ZNF821: variants seen among roughly 807,000 people sequenced by gnomAD.
ZNF821 encodes zinc finger protein 821.
A neutral mutation model predicts 44.3 loss-of-function variants in ZNF821; 16 were observed. The ratio of observed to expected loss-of-function variants is 0.36; its 90% confidence interval spans 0.24 to 0.55. ZNF821 has a LOEUF of 0.55. Among genes scored for constraint, ZNF821 ranks in the 20% least tolerant of loss-of-function variants. The pLI is 0.86. For missense variants in ZNF821, 436 were observed against 547.6 expected, an observed-to-expected ratio of 0.80 and a Z score of 2.03; for synonymous variants, 204 against 197.6, an observed-to-expected ratio of 1.03 and a Z score of -0.27.
chr16:71,864,326 A>T, intron 5 of ZNF821, 84 bp from the exon 6 acceptor site: 2 of 1,171,052 alleles, frequency 1.7e-6, no homozygotes, highest in Non-Finnish European at 2.5e-6. Flanking sequence ...GTATCCTGTT[A>T]AAAGGAACCC....
At chr16:71,872,569 C>T (rs1182302177) in intron 3 of ZNF821, among the ~76,000 whole-genome samples, 1 of 151,962 alleles carries the variant, frequency 6.6e-6, no homozygotes, top group Non-Finnish European at 1.5e-5. Flanking sequence ...GCCGAGATCA[C>T]GCCACTGCAC....
At chr16:71,869,357 G>A (rs903071347) in intron 3 of ZNF821, among the ~76,000 whole-genome samples, 1 of 152,176 alleles carries the variant, frequency 6.6e-6, no homozygotes, top group Non-Finnish European at 1.5e-5. Context: ...CCTAGACCTT[G>A]GGCAGTGAAA....
chr16:71,883,226 A>G lies in ZNF821; in HGVS notation c.-93T>C. 1 of 456,450 alleles carries G rather than the reference A, an allele frequency of 2.2e-6. No individual in the cohort carries two copies. 28.3% of individuals were successfully genotyped at this position (456,450 alleles called of 1,614,324 possible). A position where few individuals can be genotyped will look rare whatever the true frequency, so the allele number is the denominator to read the frequency against. On this transcript the variant is annotated 5_prime_UTR_variant, in exon 2 of 8. Transcript: ENST00000425432. The stretch of plus-strand genomic sequence containing the variant: ...GCGTTCCCACCTCCAGCTCTGGTGC[A>G]GTTCCCACGGAGCAAAGCAAACTCG...
chr16:71,869,597 G>A (rs934558526), intron 3 of ZNF821, among the ~76,000 whole-genome samples: 2 of 152,092 alleles, frequency 1.3e-5, no homozygotes, highest in East Asian at 3.8e-4. Flanking sequence ...GTTAACGGTG[G>A]AACCAAGTAT....
chr16:71,891,949 T>G (rs1046710315), intron 1 of ZNF821, among the ~76,000 whole-genome samples: 3 of 136,594 alleles, frequency 2.2e-5, no homozygotes, highest in South Asian at 2.3e-4. Context: ...TGAGCTGAGA[T>G]TGAGCCACTG....
chr16:71,868,177 G>T, intron 3 of ZNF821, 140 bp from the exon 4 acceptor site: 1 of 972,438 alleles, frequency 1.0e-6, no homozygotes, highest in Non-Finnish European at 1.5e-6. Context: ...AAGTCAGCTT[G>T]CTGCCTCCAA....
chr16:71,861,343 T>C (rs1597121635), intron 7 of ZNF821, among the ~76,000 whole-genome samples: 1 of 152,112 alleles, frequency 6.6e-6, no homozygotes, highest in African/African-American at 2.4e-5. Flanking sequence ...TCAGGCAAGG[T>C]GCAGACCACC....
intron 1 of ZNF821, among the ~76,000 whole-genome samples, chr16:71,890,990 G>A (rs2036882237): frequency 6.6e-6 from 1 of 150,784 alleles, no homozygotes; most frequent in African/African-American, 2.4e-5. Flanking sequence ...TAGCCAGGAT[G>A]GTCTCCATCT....
intron 4 of ZNF821, among the ~76,000 whole-genome samples, chr16:71,866,260 G>A (rs1019205929): frequency 2.0e-5 from 3 of 152,162 alleles, no homozygotes; most frequent in African/African-American, 7.2e-5. Flanking sequence ...CAGTATGAGA[G>A]CAACATATTT....
At chr16:71,875,790 G>A (rs527740423) in intron 3 of ZNF821, among the ~76,000 whole-genome samples, 2 of 152,196 alleles carry the variant, frequency 1.3e-5, no homozygotes, top group Non-Finnish European at 1.5e-5. Context: ...GTAGAGACAG[G>A]GTTTCACCAT....
At chr16:71,871,149 A>G (rs905263127) in intron 3 of ZNF821, among the ~76,000 whole-genome samples, 3 of 152,276 alleles carry the variant, frequency 2.0e-5, no homozygotes, top group Non-Finnish European at 2.9e-5. Flanking sequence ...GGAAAGAGAG[A>G]GAGTCTGTTC....
In ZNF821 at chr16:71,860,732, C is replaced by T. The variant is rs2033758444; in HGVS notation, c.585-60G>A. ...CTTCTAGCAAGAGTCGGGACTCCAG[C>T]CCTGCCTTATTCTTTTCCTATGAGG... On this transcript the variant is annotated intron_variant, in intron 7 of 7. Transcript: ENST00000425432. The surrounding 1 kb of genome is among the most constrained non-coding windows in gnomAD (Gnocchi z 7.3). 2 of 1,542,878 alleles carry T rather than the reference C, an allele frequency of 1.3e-6. No homozygotes were observed. Among genetic ancestry groups the T allele is most frequent in the South Asian group, 2.5e-5 (2 of 81,424 alleles).
At chr16:71,892,368 A>G (rs1202065118) in intron 1 of ZNF821, among the ~76,000 whole-genome samples, 19 of 129,028 alleles carry the variant, frequency 1.5e-4, no homozygotes, top group East Asian at 7.7e-4. Flanking sequence ...CCGGGTTCAC[A>G]CCATTCTCCT....
At chr16:71,874,738 G>A (rs1009809347) in intron 3 of ZNF821, among the ~76,000 whole-genome samples, 4 of 152,174 alleles carry the variant, frequency 2.6e-5, no homozygotes, top group South Asian at 2.1e-4. Context: ...ACAGGTATGA[G>A]CCACCACGCT....
intron 2 of ZNF821, among the ~76,000 whole-genome samples, chr16:71,880,692 T>C (rs2142472001): frequency 6.6e-6 from 1 of 152,294 alleles, no homozygotes; most frequent in South Asian, 2.1e-4. Context: ...ACAGATGCCA[T>C]CCACATTGAT....
chr16:71,894,095 T>C (rs1202287314), intron 1 of ZNF821: 1 of 152,078 alleles, frequency 6.6e-6, no homozygotes, highest in Non-Finnish European at 1.5e-5. Flanking sequence ...CCTGGTTTTA[T>C]CTTGAAATGT....
At chr16:71,861,344 G>A (rs1273463981) in intron 7 of ZNF821, among the ~76,000 whole-genome samples, 1 of 152,190 alleles carries the variant, frequency 6.6e-6, no homozygotes, top group Non-Finnish European at 1.5e-5. Context: ...CAGGCAAGGT[G>A]CAGACCACCA....
At chr16:71,883,457 G>T in intron 1 of ZNF821, 184 bp from the exon 2 acceptor site, 1 of 338,680 alleles carries the variant, frequency 3.0e-6, no homozygotes, top group South Asian at 2.3e-5. Context: ...GAGGTCTTCC[G>T]AGGCGGCTCA....
At chr16:71,872,365 G>A (rs2035300437) in intron 3 of ZNF821, among the ~76,000 whole-genome samples, 1 of 152,102 alleles carries the variant, frequency 6.6e-6, no homozygotes, top group African/African-American at 2.4e-5. Context: ...TGTAATCCCA[G>A]TACTTTGGAA....
Sources: gnomAD v4.1 joint callset for allele counts (sites outside exome capture counted in the v4.1 genomes callset) on GRCh38, gnomAD v4.1.1 for gene constraint, Gnocchi (gnomAD v3.1) non-coding constraint, MANE v1.5 for transcripts, NCBI Gene and HGNC (gene_info 2026-07-23, HGNC 2026-07-21) for gene names.